GNA14: variants seen among roughly 807,000 people sequenced by gnomAD.
The protein encoded by GNA14 is guanine nucleotide-binding protein subunit alpha-14.
GNA14 carries 50 observed loss-of-function variants against 42.0 expected under a neutral mutation model. That is an observed-to-expected ratio of 1.19 (90% CI 0.95 to 1.51). The LOEUF (loss-of-function observed/expected upper bound fraction) is 1.51, where lower values mean the gene tolerates loss of function less well. GNA14 is among the 40% of genes most tolerant of loss of function. The pLI, the probability that GNA14 is intolerant of heterozygous loss-of-function variation, is 0.00. For missense variants in GNA14, 473 were observed against 446.2 expected (o/e 1.06, Z -0.54); for synonymous variants, 173 against 163.1 (o/e 1.06, Z -0.46).
intron 1 of GNA14, among the ~76,000 whole-genome samples, chr9:77,614,370 C>G (rs551843875): frequency 6.6e-6 from 1 of 152,278 alleles, no homozygotes; most frequent in African/African-American, 2.4e-5. Context: ...GTCAGCCTAA[C>G]CACCCTGGAT....
chr9:77,461,531 C>T (rs2131712408), intron 2 of GNA14, among the ~76,000 whole-genome samples: 2 of 152,180 alleles, frequency 1.3e-5, no homozygotes, highest in South Asian at 4.1e-4. Context: ...TTTTTTATTC[C>T]AAACTCATTT....
intron 1 of GNA14, among the ~76,000 whole-genome samples, chr9:77,641,099 GGGAAGGAAGGAAGGAAGGAAGGAA>G (rs1157490493): frequency 0.039 from 247 of 6,286 alleles, 4 homozygotes; most frequent in Non-Finnish European, 0.047. Flanking sequence ...GGGGAGGGGG[GGGAAGGAAGGAAGGAAGGAAGGAA>G]GGAAGGAAGG....
chr9:77,634,128 TGAAAATACAA>T (rs1409577992), intron 1 of GNA14, among the ~76,000 whole-genome samples: 7 of 152,086 alleles, frequency 4.6e-5, no homozygotes, highest in Non-Finnish European at 1.0e-4. Context: ...AAAGTCTTTA[TGAAAATACAA>T]GAAAATGGGC....
intron 5 of GNA14, among the ~76,000 whole-genome samples, chr9:77,428,233 C>T (rs1347773603): frequency 1.3e-5 from 2 of 151,976 alleles, no homozygotes; most frequent in African/African-American, 2.4e-5. Context: ...CGCCCACCAC[C>T]ACGCCCGGCT....
rs373627699 is a variant in GNA14, at chr9:77,505,877, GC to G, written c.309+23191del. 1.9e-4 allele frequency among the ~76,000 whole-genome samples: 29 copies of G among 152,222 alleles called. No homozygotes were observed. The South Asian group carries it at 5.8e-3, about 30-fold the overall frequency. On this transcript the variant is annotated intron_variant, in intron 2 of 6. Coordinates refer to ENST00000341700, the MANE Select transcript of GNA14 (RefSeq NM_004297.4). Reference sequence around the variant, plus strand: ...TTTTCCTTTTTTTGGTTGGCAGGGGGCCTTGGGTGAAAATAGGTTAGACCAG... The same window carrying G: ...TTTTCCTTTTTTTGGTTGGCAGGGGGCTTGGGTGAAAATAGGTTAGACCAG...
chr9:77,630,022 AT>A (rs1824072943), intron 1 of GNA14, among the ~76,000 whole-genome samples: 2 of 152,174 alleles, frequency 1.3e-5, no homozygotes, highest in African/African-American at 4.8e-5. Flanking sequence ...TTTAACAGTA[AT>A]AAATGTGATT....
chr9:77,577,921 A>C (rs1332038483), intron 1 of GNA14, among the ~76,000 whole-genome samples: 2 of 152,174 alleles, frequency 1.3e-5, no homozygotes, highest in Non-Finnish European at 2.9e-5. Context: ...ATCAGAACCC[A>C]CAGACAATAG....
At chr9:77,599,877 A>C (rs1386217941) in intron 1 of GNA14, among the ~76,000 whole-genome samples, 2 of 152,198 alleles carry the variant, frequency 1.3e-5, no homozygotes, top group Admixed American at 6.5e-5. Context: ...TTAAATTTTA[A>C]AATCTAGCAA....
intron 1 of GNA14, among the ~76,000 whole-genome samples, chr9:77,621,482 A>G (rs1215349167): frequency 6.6e-6 from 1 of 152,234 alleles, no homozygotes; most frequent in Non-Finnish European, 1.5e-5. Context: ...AATTGGCTTC[A>G]CCAGACCATG....
Position 77,515,960 on chromosome 9 carries a change from C to CAAAAAAA in GNA14, c.309+13102_309+13108dup, listed in dbSNP as rs1158448237. On this transcript the variant is annotated intron_variant, in intron 2 of 6. Transcript: ENST00000341700. The stretch of plus-strand genomic sequence containing the variant: ...GGCAACGCAGCAAGACCCTGTCTCA[C>CAAAAAAA]AAAAAAAAAAAAAAAAAAAAAAACC... Among the ~76,000 whole-genome samples, 478 of 52,708 alleles carry CAAAAAAA rather than the reference C, an allele frequency of 9.1e-3. 36 individuals carry two copies. The highest frequency in any genetic ancestry group is 0.025 in the African/African-American group (397 of 15,712). The allele number at this position is 52,708 out of a possible 152,430, so 34.6% of individuals were successfully genotyped here.
At chr9:77,641,118 AAGGAAG>A (rs1456702118) in intron 1 of GNA14, among the ~76,000 whole-genome samples, 1 of 21,148 alleles carries the variant, frequency 4.7e-5, no homozygotes, top group African/African-American at 4.5e-4. Flanking sequence ...GGAAGGAAGG[AAGGAAG>A]GAAGGAAGGA....
intron 2 of GNA14, among the ~76,000 whole-genome samples, chr9:77,454,056 C>T (rs1375846631): frequency 2.0e-5 from 3 of 152,184 alleles, no homozygotes; most frequent in Non-Finnish European, 4.4e-5. Flanking sequence ...GCTCCTCGCC[C>T]GCTCCGTGCA....
At chr9:77,600,106 A>C (rs1823533280) in intron 1 of GNA14, among the ~76,000 whole-genome samples, 2 of 152,196 alleles carry the variant, frequency 1.3e-5, no homozygotes, top group Non-Finnish European at 2.9e-5. Context: ...TAATAATAAC[A>C]AAAGCCAGCT....
At chr9:77,479,341 G>T (rs562304240) in intron 2 of GNA14, among the ~76,000 whole-genome samples, 1 of 152,040 alleles carries the variant, frequency 6.6e-6, no homozygotes, top group Non-Finnish European at 1.5e-5. Flanking sequence ...GTAGATATGC[G>T]GCATTATTTC....
In GNA14 at chr9:77,647,752, C is replaced by T; in HGVS notation, c.42G>A (p.Ser14=). 1 of 1,610,040 alleles carries T rather than the reference C, an allele frequency of 6.2e-7. No homozygotes were observed. Among genetic ancestry groups the T allele is most frequent in the Non-Finnish European group, 8.5e-7 (1 of 1,178,650 alleles). ...CCCLSAEEKE[S]QRISAEIERQ... is the part of the protein sequence containing the mutation. ...GCTCGATCTCCGCGCTGATGCGCTG[C>T]GACTCCTTCTCCTCCGCGGACAGGC... Residue 14 remains serine, a synonymous_variant, in exon 1 of 7, where the codon TCG becomes TCA. Coordinates refer to ENST00000341700, the MANE Select transcript of GNA14 (RefSeq NM_004297.4).
chr9:77,519,055 A>C (rs1475614243), intron 2 of GNA14, among the ~76,000 whole-genome samples: 1 of 152,190 alleles, frequency 6.6e-6, no homozygotes, highest in Non-Finnish European at 1.5e-5. Context: ...TCAGTTATAA[A>C]AGCAAACTGT....
intron 1 of GNA14, among the ~76,000 whole-genome samples, chr9:77,568,878 TA>T (rs1250496099): frequency 1.3e-5 from 2 of 152,142 alleles, no homozygotes; most frequent in Non-Finnish European, 2.9e-5. Context: ...ATTGAGACAG[TA>T]AAGTCGCACT....
At chr9:77,598,513 ACCTGGT>A (rs1384044205) in intron 1 of GNA14, among the ~76,000 whole-genome samples, 2 of 152,254 alleles carry the variant, frequency 1.3e-5, no homozygotes, top group Non-Finnish European at 1.5e-5. Flanking sequence ...CTATTACAGC[ACCTGGT>A]ATTCTGCCTC....
At chr9:77,639,727 T>C (rs982973232) in intron 1 of GNA14, among the ~76,000 whole-genome samples, 1 of 152,382 alleles carries the variant, frequency 6.6e-6, no homozygotes, top group East Asian at 1.9e-4. Flanking sequence ...CCTTAAATCC[T>C]GCCCTTTTGC....
Sources: allele counts gnomAD v4.1 joint callset (sites outside exome capture counted in the v4.1 genomes callset), GRCh38; gene constraint gnomAD v4.1.1; transcripts MANE v1.5; gene names NCBI Gene and HGNC (gene_info 2026-07-23, HGNC 2026-07-21).